Variants in UTP4 observed in about 807,000 individuals in gnomAD.
UTP4 encodes the protein UTP4 small subunit processome component.
UTP4 carries 45 observed loss-of-function variants against 82.4 expected under a neutral mutation model. The ratio of observed to expected loss-of-function variants is 0.55; its 90% CI spans 0.43 to 0.70. The LOEUF is 0.70. Ranked by LOEUF, UTP4 falls within the 30% of genes least tolerant of loss-of-function variation. The pLI is 0.00. For missense variants in UTP4, 819 were observed against 858.3 expected, an observed-to-expected ratio of 0.95 and a Z score of 0.57; for synonymous variants, 348 against 300.3, an observed-to-expected ratio of 1.16 and a Z score of -1.64.
intron 6 of UTP4, among the ~76,000 whole-genome samples, chr16:69,144,626 T>C (rs1445441209): frequency 1.3e-5 from 2 of 152,196 alleles, no homozygotes; most frequent in East Asian, 3.8e-4. Flanking sequence ...TCTCCTTAGT[T>C]TGAGAATGAT....
At chr16:69,136,647 G>A in intron 2 of UTP4, 49 bp from the exon 3 acceptor site, 2 of 1,590,414 alleles carry the variant, frequency 1.3e-6, no homozygotes, top group Middle Eastern at 1.8e-4. Flanking sequence ...CTCAGTACCG[G>A]TACCTGATGA....
At position 69,168,853 on chromosome 16, in the gene UTP4, A is replaced by C; in HGVS notation, c.1977A>C (p.Arg659Ser). The change falls in exon 17 of 17, where the codon AGA becomes AGC. Residue 659 changes from arginine (R) to serine (S), a missense_variant. By Grantham distance (110) the Arg-to-Ser change is moderately radical. Coordinates refer to ENST00000314423, the MANE Select transcript of UTP4 (RefSeq NM_032830.3). ...PLLFMDLLDE[R>S]TLVAVERPLD... ...TCTTCATGGATCTTTTGGATGAAAG[A>C]ACACTCGTGGCAGTAGAACGGCCTC... The C allele has an allele frequency of 6.2e-7, 1 of 1,613,672 alleles. No homozygotes were observed. The highest frequency in any genetic ancestry group is 8.5e-7 in the Non-Finnish European group (1 of 1,179,600).
intron 13 of UTP4, 75 bp downstream of exon 13, chr16:69,160,537 A>G (rs2152283115): frequency 1.9e-6 from 2 of 1,045,332 alleles, no homozygotes; most frequent in Non-Finnish European, 1.5e-6. Context: ...ACAAGATTCA[A>G]GGCAGATTGG....
In UTP4 at chr16:69,133,505, C is replaced by G; in HGVS notation, c.46C>G (p.Pro16Ala). ...VHRVRFFNYV[P>A]SGIRCVAYNN... ...TCGAGTACGTTTCTTTAATTATGTT[C>G]CATCAGGAATCCGCTGTGTGGCTTA... Residue 16 changes from proline (P) to alanine (A), a missense_variant, in exon 2 of 17, where the codon CCA becomes GCA. Physicochemically the swap from Pro to Ala is conservative, Grantham distance 27. Transcript: ENST00000314423. 1 of 1,614,168 alleles carries G rather than the reference C, an allele frequency of 6.2e-7. No individual in the cohort carries two copies. The highest frequency in any genetic ancestry group is 8.5e-7 in the Non-Finnish European group (1 of 1,180,018).
rs754678886 is a variant in UTP4, at chr16:69,154,428, G to A, written c.1135G>A (p.Ala379Thr). ...GGATACTCTTCCACTCTCTAAAAAT[G>A]CAGATCATTTACTGCACCTAAAGAC... ...NGDTLPLSKN[A>T]DHLLHLKTKG... Residue 379 changes from alanine to threonine, a missense_variant, in exon 10 of 17, where the codon GCA becomes ACA. By Grantham distance (58) the Ala-to-Thr change is moderately conservative. Coordinates refer to ENST00000314423, the MANE Select transcript of UTP4 (RefSeq NM_032830.3). 1.2e-6 allele frequency: 2 copies of A among 1,613,312 alleles called. No individual in the cohort carries two copies. The highest frequency in any genetic ancestry group is 8.5e-7 in the Non-Finnish European group (1 of 1,179,348).
intron 10 of UTP4, among the ~76,000 whole-genome samples, chr16:69,155,227 G>A (rs1567377211): frequency 6.6e-6 from 1 of 152,230 alleles, no homozygotes; most frequent in East Asian, 1.9e-4. Flanking sequence ...AGGCTGGAGA[G>A]CAGTGGCACG....
chr16:69,163,732 AATTAT>A lies in UTP4; in HGVS notation c.1647+559_1647+563del, dbSNP rs1226527335. Among the ~76,000 whole-genome samples the A allele has an allele frequency of 3.3e-5, 5 of 151,904 alleles. No homozygotes were observed. In the East Asian group the frequency reaches 5.8e-4, roughly 18 times the overall value. The stretch of plus-strand genomic sequence containing the variant: ...CGGAATATATTAGGAAGTTATCAAT[AATTAT>A]ATTAGGAAGTTATCAATAATTCATC... On this transcript the variant is annotated intron_variant, in intron 14 of 16. Transcript: ENST00000314423.
At chr16:69,135,249 A>G (rs1217952151) in intron 2 of UTP4, among the ~76,000 whole-genome samples, 1 of 152,120 alleles carries the variant, frequency 6.6e-6, no homozygotes, top group Non-Finnish European at 1.5e-5. Flanking sequence ...TAAGTCAACC[A>G]TTCCTTACCT....
chr16:69,150,266 A>T lies in UTP4; in HGVS notation c.739-271A>T, dbSNP rs533488558. ...GGTCCTAGGTATTTTCTCTCTCTCAATGCTATTCTAAGGAGATCTATGTTG... is the reference window on the plus strand; with the variant it reads ...GGTCCTAGGTATTTTCTCTCTCTCATTGCTATTCTAAGGAGATCTATGTTG... On this transcript the variant is annotated intron_variant, in intron 6 of 16. Transcript: ENST00000314423. Among the ~76,000 whole-genome samples the T allele has an allele frequency of 1.1e-4, 16 of 152,156 alleles. No individual in the cohort carries two copies. In the South Asian group the frequency reaches 3.3e-3, roughly 32 times the overall value.
At chr16:69,156,124 G>A in intron 11 of UTP4, 131 bp downstream of exon 11, 1 of 778,330 alleles carries the variant, frequency 1.3e-6, no homozygotes, top group Non-Finnish European at 2.1e-6. Context: ...GGAGAAGGCT[G>A]TTATGAAACA....
intron 5 of UTP4, among the ~76,000 whole-genome samples, chr16:69,141,786 C>T (rs1307164545): frequency 2.0e-5 from 3 of 150,758 alleles, no homozygotes; most frequent in Non-Finnish European, 4.4e-5. Context: ...TTACAGCATT[C>T]TCTTTATGTT....
chr16:69,161,430 C>T (rs912176373), intron 13 of UTP4, among the ~76,000 whole-genome samples: 11 of 152,324 alleles, frequency 7.2e-5, no homozygotes, highest in African/African-American at 2.2e-4. Context: ...GTACTGAGCA[C>T]TTGTCTTTGA....
At chr16:69,156,393 G>C (rs576874489) in intron 11 of UTP4, among the ~76,000 whole-genome samples, 3 of 151,540 alleles carry the variant, frequency 2.0e-5, no homozygotes, top group South Asian at 2.1e-4. Flanking sequence ...CTGACCTCAA[G>C]TGATTCACCC....
chr16:69,143,061 T>A (rs970573219), intron 5 of UTP4, 117 bp from the exon 6 acceptor site: 92 of 1,020,466 alleles, frequency 9.0e-5, no homozygotes, highest in Non-Finnish European at 1.2e-4. Context: ...TCTCACTTCG[T>A]TGCCTAGGCT....
At chr16:69,156,617 C>T (rs1963422717) in intron 11 of UTP4, among the ~76,000 whole-genome samples, 1 of 152,030 alleles carries the variant, frequency 6.6e-6, no homozygotes, top group Non-Finnish European at 1.5e-5. Flanking sequence ...CACCACCAGG[C>T]CTGGCTACTT....
At chr16:69,152,432 T>C (rs1328581735) in intron 8 of UTP4, among the ~76,000 whole-genome samples, 6 of 151,522 alleles carry the variant, frequency 4.0e-5, no homozygotes, top group South Asian at 2.1e-4. Flanking sequence ...GCTGCAGGCA[T>C]GCGCCACCAG....
chr16:69,144,176 CTG>C (rs1036351111), intron 6 of UTP4, among the ~76,000 whole-genome samples: 2 of 151,708 alleles, frequency 1.3e-5, no homozygotes, highest in African/African-American at 4.8e-5. Context: ...GTGTGAGCCA[CTG>C]TGCCTGGCCT....
intron 12 of UTP4, among the ~76,000 whole-genome samples, chr16:69,159,104 A>C (rs987737323): frequency 1.3e-5 from 2 of 152,032 alleles, no homozygotes; most frequent in Non-Finnish European, 2.9e-5. Flanking sequence ...TTCAAAAGAC[A>C]GAGTTTCTTG....
chr16:69,159,006 A>G (rs1963497505), intron 12 of UTP4, among the ~76,000 whole-genome samples: 1 of 152,166 alleles, frequency 6.6e-6, no homozygotes, highest in South Asian at 2.1e-4. Flanking sequence ...CATCCAATAA[A>G]TTAAAGATAT....
Sources: gnomAD v4.1 joint callset for allele counts (sites outside exome capture counted in the v4.1 genomes callset) on GRCh38, gnomAD v4.1.1 for gene constraint, MANE v1.5 for transcripts, NCBI Gene and HGNC (gene_info 2026-07-23, HGNC 2026-07-21) for gene names.